Variants in GALNT15 observed in about 807,000 individuals in gnomAD.
The protein encoded by GALNT15 is UDP-GalNAc transferase T15.
A neutral mutation model predicts 66.8 loss-of-function variants in GALNT15; 67 were observed. The ratio of observed to expected loss-of-function variants is 1.00; its 90% CI spans 0.82 to 1.23. The LOEUF is 1.23. GALNT15 is among the 50% of genes most tolerant of loss of function. The pLI is 0.00. For synonymous variants in GALNT15, 313 were observed against 311.5 expected, an observed-to-expected ratio of 1.00 and a Z score of -0.05; for missense variants, 827 against 804.3, an observed-to-expected ratio of 1.03 and a Z score of -0.34.
In GALNT15 at chr3:16,219,888, C is replaced by CTG. The variant is rs374025048; in HGVS notation, c.1525-12_1525-11dup. On this transcript the variant is annotated intron_variant, in intron 7 of 9. Coordinates refer to ENST00000339732, the MANE Select transcript of GALNT15 (RefSeq NM_054110.5). The surrounding 1 kb of genome is among the most constrained non-coding windows in gnomAD (Gnocchi z 4.3). ...TTACAGTGGAATCTGGAATTCACTC[C>CTG]TGTGTGTGTGTCCACTTTCAGCTCC... The CTG allele has an allele frequency of 8.8e-6, 14 of 1,583,764 alleles. No individual in the cohort carries two copies. The highest frequency in any genetic ancestry group is 2.2e-5 in the East Asian group (1 of 44,700).
downstream of GALNT15, chr3:16,231,780 C>T (rs373290039): frequency 1.9e-4 from 297 of 1,531,944 alleles, 11 homozygotes; most frequent in South Asian, 3.4e-3. The surrounding 1 kb of genome is among the most constrained non-coding windows in gnomAD (Gnocchi z 4.1). Context: ...CTCCCTCTCT[C>T]CTTCTCTCTC....
chr3:16,236,050 A>G (rs370483237), downstream of GALNT15, among the ~76,000 whole-genome samples: 66 of 138,474 alleles, frequency 4.8e-4, no homozygotes, highest in South Asian at 0.015. Context: ...GGTTGGAGTG[A>G]GCCGAGATCA....
At chr3:16,192,565 G>C (rs2124856150) in intron 1 of GALNT15, among the ~76,000 whole-genome samples, 1 of 152,276 alleles carries the variant, frequency 6.6e-6, no homozygotes, top group African/African-American at 2.4e-5. Context: ...CAAATGCATG[G>C]CCACAAAAGA....
Position 16,225,454 on chromosome 3 carries a change from C to T in GALNT15, c.1774-1900C>T, listed in dbSNP as rs188348216. Among the ~76,000 whole-genome samples, 2 of 152,182 alleles carry T rather than the reference C, an allele frequency of 1.3e-5. No homozygotes were observed. Among genetic ancestry groups the T allele is most frequent in the South Asian group, 2.1e-4 (1 of 4,826 alleles). ...GCTCACGCCTGTAATCCCAGCACTT[C>T]GGGAGGCCGAGGCAGGTGGATCACG... On this transcript the variant is annotated intron_variant, in intron 9 of 9. Coordinates refer to ENST00000339732, the MANE Select transcript of GALNT15 (RefSeq NM_054110.5). The surrounding 1 kb of genome is among the most constrained non-coding windows in gnomAD (Gnocchi z 4.4).
At chr3:16,238,352 TACTA>T in the GALNT15 span, among the ~76,000 whole-genome samples, 1 of 152,176 alleles carries the variant, frequency 6.6e-6, no homozygotes, top group Non-Finnish European at 1.5e-5. The surrounding 1 kb of genome is among the most constrained non-coding windows in gnomAD (Gnocchi z 4.8). Context: ...GCTAAGGCTG[TACTA>T]ACTTACTAGC....
Position 16,195,793 on chromosome 3 carries a change from C to G in GALNT15, c.573C>G (p.Pro191=). 6.2e-7 allele frequency: 1 copy of G among 1,613,820 alleles called. No individual in the cohort carries two copies. The highest frequency in any genetic ancestry group is 8.5e-7 in the Non-Finnish European group (1 of 1,179,832). Residue 191 remains proline, a synonymous_variant, in exon 2 of 10, where the codon CCC becomes CCG. Transcript: ENST00000339732. This position sits in a 1 kb window ranked among gnomAD's most constrained non-coding sequence, Gnocchi z 4.6. ...CLQQHPQDSL[P]TASVILCFHD... is the part of the protein sequence containing the mutation. ...AGCAGCACCCTCAGGACAGCCTGCC[C>G]ACAGCCAGCGTCATCCTCTGTTTCC...
rs2063785804 is a variant in GALNT15 at position 16,209,018 on chromosome 3, A to G, written c.1079+348A>G. On this transcript the variant is annotated intron_variant, in intron 4 of 9. Transcript: ENST00000339732. The surrounding 1 kb of genome is among the most constrained non-coding windows in gnomAD (Gnocchi z 4.1). ...CCAGTGTGTGGCAACCTGAGATGGA[A>G]TCTTGGCCCAGCTCTCTCATCAGGT... 6.6e-6 allele frequency among the ~76,000 whole-genome samples: 1 copy of G among 152,208 alleles called. No individual in the cohort carries two copies. Among genetic ancestry groups the G allele is most frequent in the East Asian group, 1.9e-4 (1 of 5,192 alleles).
chr3:16,243,696 G>A, the GALNT15 span, among the ~76,000 whole-genome samples: 1 of 152,230 alleles, frequency 6.6e-6, no homozygotes, highest in African/African-American at 2.4e-5. Context: ...GTCTTGCTAG[G>A]GAGCTGTCAG....
At position 16,208,492 on chromosome 3, in the gene GALNT15, A is replaced by G. The variant is rs2063780762; in HGVS notation, c.912-11A>G. The G allele has an allele frequency of 1.9e-6, 3 of 1,613,192 alleles. No individual in the cohort carries two copies. The highest frequency in any genetic ancestry group is 2.2e-5 in the East Asian group (1 of 44,858). ...TTTACGTCCCTTGTTTAATTCCACA[A>G]TTCTTTCCAGGAGCCGAGTGGTATC... On this transcript the variant is annotated splice_polypyrimidine_tract_variant and intron_variant, in intron 3 of 9. Coordinates refer to ENST00000339732, the MANE Select transcript of GALNT15 (RefSeq NM_054110.5).
At chr3:16,235,726 A>G (rs2064121930), downstream of GALNT15, among the ~76,000 whole-genome samples, 2 of 152,232 alleles carry the variant, frequency 1.3e-5, no homozygotes, top group South Asian at 2.1e-4. Context: ...TATGTTGGGG[A>G]TGGAAATCAA....
At chr3:16,234,677 A>T (rs992924059), downstream of GALNT15, among the ~76,000 whole-genome samples, 7 of 152,198 alleles carry the variant, frequency 4.6e-5, no homozygotes, top group African/African-American at 9.6e-5. Flanking sequence ...TATGTCTCCT[A>T]ATGGGGAAAC....
chr3:16,216,101 T>C (rs1016829170), intron 6 of GALNT15, among the ~76,000 whole-genome samples: 3 of 152,082 alleles, frequency 2.0e-5, no homozygotes, highest in Admixed American at 1.3e-4. Flanking sequence ...AATGGATGGA[T>C]GGCAAAAAAA....
At chr3:16,245,118 C>G in the GALNT15 span, among the ~76,000 whole-genome samples, 1 of 152,216 alleles carries the variant, frequency 6.6e-6, no homozygotes, top group Admixed American at 6.5e-5. Context: ...GGATGGATGT[C>G]TGGCCTCTGT....
intron 3 of GALNT15, among the ~76,000 whole-genome samples, chr3:16,201,781 T>G (rs2063706427): frequency 6.6e-6 from 1 of 152,186 alleles, no homozygotes; most frequent in African/African-American, 2.4e-5. Context: ...TCTTTCTCAC[T>G]TCCTTGCTCA....
rs951008187 is a variant in GALNT15, at chr3:16,209,048, T to C, written c.1079+378T>C. On this transcript the variant is annotated intron_variant, in intron 4 of 9. Transcript: ENST00000339732. This position sits in a 1 kb window ranked among gnomAD's most constrained non-coding sequence, Gnocchi z 4.1. ...GGCCCAGCTCTCTCATCAGGTACAGTGTGAATTCCTCAGGTCTCGTCTTAG... is the reference window on the plus strand; with the variant it reads ...GGCCCAGCTCTCTCATCAGGTACAGCGTGAATTCCTCAGGTCTCGTCTTAG... Among the ~76,000 whole-genome samples, 2 of 152,208 alleles carry C rather than the reference T, an allele frequency of 1.3e-5. No individual in the cohort carries two copies. The highest frequency in any genetic ancestry group is 4.8e-5 in the African/African-American group (2 of 41,454).
intron 2 of GALNT15, among the ~76,000 whole-genome samples, chr3:16,196,953 A>G (rs984443079): frequency 6.6e-6 from 1 of 152,158 alleles, no homozygotes; most frequent in Non-Finnish European, 1.5e-5. Flanking sequence ...CACTCCAGGG[A>G]TGGGCCTAGC....
Position 16,200,402 on chromosome 3 carries a change from C to T in GALNT15, c.707-217C>T, listed in dbSNP as rs11918238. Among the ~76,000 whole-genome samples, 4,945 of 152,166 alleles carry T rather than the reference C, an allele frequency of 0.032. 258 individuals are homozygous for T. The highest frequency in any genetic ancestry group is 0.11 in the African/African-American group (4,691 of 41,478). On this transcript the variant is annotated intron_variant, in intron 2 of 9. Transcript: ENST00000339732. The surrounding 1 kb of genome is among the most constrained non-coding windows in gnomAD (Gnocchi z 4.4). Reference sequence around the variant, plus strand: ...CTCCCCTTTCCTGGTTTTCTGACACCATCCCTCTAATTTTTACTGGAGAGA... The same window carrying T: ...CTCCCCTTTCCTGGTTTTCTGACACTATCCCTCTAATTTTTACTGGAGAGA...
At position 16,227,862 on chromosome 3, in the gene GALNT15, T is replaced by G. The variant is rs1284870440; in HGVS notation, c.*362T>G. 1 of 1,033,352 alleles carries G rather than the reference T, an allele frequency of 9.7e-7. No individual in the cohort carries two copies. Among genetic ancestry groups the G allele is most frequent in the Non-Finnish European group, 1.2e-6 (1 of 861,040 alleles). The allele number at this position is 1,033,352 out of a possible 1,614,324, so 64.0% of individuals were successfully genotyped here. ...CTCCAGGATACATAAATTCAATGGA[T>G]CAATTTATTTGTCTTCAAATGGCCT... On this transcript the variant is annotated 3_prime_UTR_variant, in exon 10 of 10. Transcript: ENST00000339732. The surrounding 1 kb of genome is among the most constrained non-coding windows in gnomAD (Gnocchi z 4.5).
rs1300673486 is a variant in GALNT15 at position 16,229,045 on chromosome 3, C to G, written c.*1545C>G. The G allele has an allele frequency of 2.0e-6, 2 of 985,280 alleles. No individual in the cohort carries two copies. The highest frequency in any genetic ancestry group is 2.4e-6 in the Non-Finnish European group (2 of 829,942). The allele number at this position is 985,280 out of a possible 1,614,324, so 61.0% of individuals were successfully genotyped here. On this transcript the variant is annotated 3_prime_UTR_variant, in exon 10 of 10. Transcript: ENST00000339732. ...AAACAGCATTCATATTCATTTTTCCCCAGATGGAGTTACCTACCTTTCCAC... is the reference window on the plus strand; with the variant it reads ...AAACAGCATTCATATTCATTTTTCCGCAGATGGAGTTACCTACCTTTCCAC...
Sources: allele counts gnomAD v4.1 joint callset (sites outside exome capture counted in the v4.1 genomes callset), GRCh38; gene constraint gnomAD v4.1.1; non-coding constraint Gnocchi (gnomAD v3.1); transcripts MANE v1.5; gene names NCBI Gene and HGNC (gene_info 2026-07-23, HGNC 2026-07-21).